The following FAM81A variants were observed in gnomAD, a reference collection of about 807,000 sequenced individuals.
FAM81A encodes the protein protein FAM81A.
A neutral mutation model predicts 46.7 loss-of-function variants in FAM81A; 19 were observed. That is an observed-to-expected ratio of 0.41 (90% CI 0.28 to 0.60). FAM81A has a LOEUF of 0.60. Among genes scored for constraint, FAM81A ranks in the 20% least tolerant of loss-of-function variants. FAM81A has a pLI of 0.34. For missense variants in FAM81A, 377 were observed against 453.5 expected (o/e 0.83, Z 1.53); for synonymous variants, 183 against 152.9 (o/e 1.20, Z -1.45).
chr15:59,437,749 A>G (rs2081253231), upstream of FAM81A, among the ~76,000 whole-genome samples: 1 of 152,124 alleles, frequency 6.6e-6, no homozygotes, highest in African/African-American at 2.4e-5. Context: ...TTTAGTAAAT[A>G]AGGTATATTG....
chr15:59,495,735 T>C (rs539696190), intron 4 of FAM81A, among the ~76,000 whole-genome samples: 3 of 152,284 alleles, frequency 2.0e-5, no homozygotes, highest in African/African-American at 7.2e-5. Flanking sequence ...AGGTATCTCA[T>C]TGTGGTTTTG....
intron 2 of FAM81A, among the ~76,000 whole-genome samples, chr15:59,404,290 C>T (rs8025941): frequency 0.29 from 43,764 of 151,878 alleles, 6,528 homozygotes; most frequent in East Asian, 0.48. Flanking sequence ...AAGAGAAGAT[C>T]CATCAGGAAG....
At chr15:59,411,399 C>T (rs1428023288) in intron 2 of FAM81A, among the ~76,000 whole-genome samples, 1 of 152,004 alleles carries the variant, frequency 6.6e-6, no homozygotes, top group African/African-American at 2.4e-5. Flanking sequence ...CACTGGGGTT[C>T]CCACAAGAAA....
At chr15:59,439,468 A>T (rs190190379) in intron 1 of FAM81A, among the ~76,000 whole-genome samples, 2 of 152,118 alleles carry the variant, frequency 1.3e-5, no homozygotes, top group Admixed American at 1.3e-4. Flanking sequence ...ACTAAAAAGG[A>T]CACTTAGGCC....
chr15:59,493,729 A>G (rs1021113066), intron 4 of FAM81A, among the ~76,000 whole-genome samples: 4 of 152,114 alleles, frequency 2.6e-5, no homozygotes, highest in South Asian at 2.1e-4. Flanking sequence ...CTGAGACTAC[A>G]GGCACTCGCC....
chr15:59,463,810 T>G (rs183322210), intron 3 of FAM81A, among the ~76,000 whole-genome samples: 104 of 151,410 alleles, frequency 6.9e-4, no homozygotes, highest in African/African-American at 2.3e-3. Context: ...ATTTTGTCAG[T>G]TTTTTTTGTT....
At chr15:59,516,904 G>C in intron 8 of FAM81A, 64 bp downstream of exon 8, 1 of 1,421,306 alleles carries the variant, frequency 7.0e-7, no homozygotes, top group Non-Finnish European at 9.3e-7. Flanking sequence ...CTATTAATTA[G>C]TATCCCCTGC....
At chr15:59,496,873 C>T (rs554982455) in intron 4 of FAM81A, among the ~76,000 whole-genome samples, 1 of 152,224 alleles carries the variant, frequency 6.6e-6, no homozygotes, top group South Asian at 2.1e-4. Context: ...CGCTTGTAGT[C>T]CCAGCACTTT....
intron 2 of FAM81A, chr15:59,407,661 G>T: frequency 6.0e-6 from 1 of 165,394 alleles, no homozygotes; most frequent in South Asian, 1.4e-4. Context: ...CTAGCTCGAT[G>T]GGATCCACAT....
intron 1 of FAM81A, 124 bp from the exon 2 acceptor site, chr15:59,458,422 CATTT>C (rs2081509686): frequency 4.8e-6 from 3 of 631,420 alleles, no homozygotes; most frequent in African/African-American, 1.8e-5. Flanking sequence ...AGATACAAAA[CATTT>C]AATAATATAA....
intron 3 of FAM81A, among the ~76,000 whole-genome samples, chr15:59,489,846 T>C (rs112011117): frequency 1.4e-3 from 214 of 152,280 alleles, no homozygotes; most frequent in Non-Finnish European, 2.2e-3. Flanking sequence ...GAAAACTGAA[T>C]ATCCATATGC....
intron 3 of FAM81A, among the ~76,000 whole-genome samples, chr15:59,463,229 G>A (rs1014959165): frequency 3.3e-5 from 5 of 151,672 alleles, no homozygotes; most frequent in African/African-American, 9.7e-5. Context: ...TTTTCATCTC[G>A]CTATCTTAGG....
chr15:59,501,877 G>C (rs967853554), intron 4 of FAM81A, among the ~76,000 whole-genome samples: 9 of 152,188 alleles, frequency 5.9e-5, no homozygotes, highest in Admixed American at 3.9e-4. Flanking sequence ...AAGCTGTTGA[G>C]CCATATGCGC....
chr15:59,460,217 T>C lies in FAM81A; in HGVS notation c.294+11T>C. On this transcript the variant is annotated intron_variant, in intron 3 of 8. Transcript: ENST00000288228. The surrounding 1 kb of genome is among the most constrained non-coding windows in gnomAD (Gnocchi z 4.4). ...AATCGGGATATCGAGGTAAGGTTTG[T>C]GAAAGTCAGGTGGCCTATGTCCCTT... 1 of 1,614,016 alleles carries C rather than the reference T, an allele frequency of 6.2e-7. No individual in the cohort carries two copies. Among genetic ancestry groups the C allele is most frequent in the East Asian group, 2.2e-5 (1 of 44,892 alleles).
At chr15:59,476,645 C>G (rs2081773222) in intron 3 of FAM81A, among the ~76,000 whole-genome samples, 1 of 151,520 alleles carries the variant, frequency 6.6e-6, no homozygotes, top group Admixed American at 6.6e-5. Context: ...TAAAAATTAG[C>G]TGGGCCTGAT....
chr15:59,491,463 G>T (rs573235055), intron 3 of FAM81A, among the ~76,000 whole-genome samples: 14 of 152,114 alleles, frequency 9.2e-5, no homozygotes, highest in African/African-American at 3.1e-4. Flanking sequence ...TGATTAATGG[G>T]CATTAAAAAA....
chr15:59,404,939 T>C (rs576226274), intron 2 of FAM81A, among the ~76,000 whole-genome samples: 1 of 152,328 alleles, frequency 6.6e-6, no homozygotes, highest in East Asian at 1.9e-4. Flanking sequence ...CCTGCTTCCA[T>C]CTCACTCTGT....
chr15:59,462,534 A>C (rs772270797), intron 3 of FAM81A, among the ~76,000 whole-genome samples: 3 of 152,218 alleles, frequency 2.0e-5, no homozygotes, highest in Non-Finnish European at 4.4e-5. Flanking sequence ...CTACCATTTT[A>C]ACCATTTTAA....
At chr15:59,398,986 G>A (rs1408308673) in intron 1 of FAM81A, among the ~76,000 whole-genome samples, 1 of 151,928 alleles carries the variant, frequency 6.6e-6, no homozygotes, top group Non-Finnish European at 1.5e-5. Flanking sequence ...TGGCTAACAT[G>A]GTGAAACCCC....
Sources: allele counts gnomAD v4.1 joint callset (sites outside exome capture counted in the v4.1 genomes callset), GRCh38; gene constraint gnomAD v4.1.1; non-coding constraint Gnocchi (gnomAD v3.1); transcripts MANE v1.5; gene names NCBI Gene and HGNC (gene_info 2026-07-23, HGNC 2026-07-21).